The following NALF1 variants were observed in gnomAD, a reference collection of about 807,000 sequenced individuals.
The protein encoded by NALF1 is NALCN channel auxiliary factor 1.
NALF1 carries 3 observed loss-of-function variants against 48.4 expected under a neutral mutation model. The ratio of observed to expected loss-of-function variants is 0.06; its 90% CI spans 0.03 to 0.16. NALF1 has a LOEUF of 0.16. NALF1 is among the 10% of genes least tolerant of loss of function. The probability of loss-of-function intolerance (pLI) is 1.00; values close to 1 mark genes in which losing one functional copy is unlikely to be tolerated. For missense variants in NALF1, 526 were observed against 571.5 expected, an observed-to-expected ratio of 0.92 and a Z score of 0.81; for synonymous variants, 262 against 245.7, an observed-to-expected ratio of 1.07 and a Z score of -0.62.
intron 1 of NALF1, among the ~76,000 whole-genome samples, chr13:107,526,351 T>C (rs1876439969): frequency 6.6e-6 from 1 of 152,184 alleles, no homozygotes; most frequent in Non-Finnish European, 1.5e-5. Context: ...CAGCAATATA[T>C]GTACCTCTTT....
chr13:107,257,320 C>T (rs1168015197), intron 1 of NALF1, among the ~76,000 whole-genome samples: 3 of 152,058 alleles, frequency 2.0e-5, no homozygotes, highest in Admixed American at 1.3e-4. Flanking sequence ...AGGAATAAGA[C>T]CGTTGTGACT....
intron 1 of NALF1, among the ~76,000 whole-genome samples, chr13:107,768,829 A>C (rs537158317): frequency 2.2e-4 from 34 of 152,246 alleles, no homozygotes; most frequent in African/African-American, 6.7e-4. Context: ...CAATGAACTC[A>C]AACAAATTTA....
chr13:107,785,079 T>A (rs964920086), intron 1 of NALF1, among the ~76,000 whole-genome samples: 1 of 152,002 alleles, frequency 6.6e-6, no homozygotes, highest in Non-Finnish European at 1.5e-5. Flanking sequence ...TGTGTGTGTA[T>A]GTATATATAC....
chr13:107,467,812 G>A (rs1026479009), intron 1 of NALF1, among the ~76,000 whole-genome samples: 10 of 152,104 alleles, frequency 6.6e-5, no homozygotes, highest in Non-Finnish European at 1.2e-4. Context: ...AGACCGAGGC[G>A]GGTGGATCAT....
chr13:107,213,071 C>T (rs1056467344), intron 1 of NALF1, among the ~76,000 whole-genome samples: 4 of 152,094 alleles, frequency 2.6e-5, no homozygotes, highest in Admixed American at 2.6e-4. Context: ...TCTCCTCTCT[C>T]GCAGACGGTG....
chr13:107,602,721 C>T (rs865949898), intron 1 of NALF1, among the ~76,000 whole-genome samples: 4 of 152,116 alleles, frequency 2.6e-5, no homozygotes, highest in South Asian at 2.1e-4. Flanking sequence ...ATTATTCCTT[C>T]GCGTCTAACC....
intron 1 of NALF1, among the ~76,000 whole-genome samples, chr13:107,296,821 C>T (rs760230227): frequency 1.3e-5 from 2 of 151,700 alleles, no homozygotes; most frequent in African/African-American, 2.4e-5. Flanking sequence ...GATAAAAACA[C>T]GATGGTATGA....
intron 1 of NALF1, among the ~76,000 whole-genome samples, chr13:107,424,587 T>G (rs1376522067): frequency 1.5e-5 from 2 of 136,274 alleles, no homozygotes; most frequent in Non-Finnish European, 3.1e-5. Context: ...ATATGAAGAT[T>G]TATGAAGCAA....
intron 1 of NALF1, among the ~76,000 whole-genome samples, chr13:107,658,835 C>A (rs914520581): frequency 6.6e-6 from 1 of 151,934 alleles, no homozygotes; most frequent in African/African-American, 2.4e-5. Context: ...CTTAACACCA[C>A]GAAAATGGTA....
intron 1 of NALF1, among the ~76,000 whole-genome samples, chr13:107,268,037 A>G (rs1485755200): frequency 7.5e-6 from 1 of 132,488 alleles, no homozygotes; most frequent in Non-Finnish European, 1.5e-5. Flanking sequence ...ACCAGGCTGG[A>G]GAGTAGTGGC....
intron 1 of NALF1, among the ~76,000 whole-genome samples, chr13:107,429,854 T>A (rs1395564767): frequency 6.6e-6 from 1 of 152,200 alleles, no homozygotes; most frequent in Non-Finnish European, 1.5e-5. Flanking sequence ...TGTAAATACA[T>A]GTTCAATCTC....
chr13:107,683,663 C>G (rs1049518452), intron 1 of NALF1, among the ~76,000 whole-genome samples: 1 of 152,178 alleles, frequency 6.6e-6, no homozygotes, highest in Non-Finnish European at 1.5e-5. Flanking sequence ...AAGTTGAATG[C>G]TGGGGTCCCC....
At chr13:107,642,878 T>C (rs9514716) in intron 1 of NALF1, among the ~76,000 whole-genome samples, 43,519 of 152,154 alleles carry the variant, frequency 0.29, 6,636 homozygotes, top group East Asian at 0.49. Context: ...GGCTATTGTG[T>C]TCTGCTCTTA....
intron 1 of NALF1, among the ~76,000 whole-genome samples, chr13:107,543,631 G>A (rs1003478325): frequency 6.6e-6 from 1 of 152,018 alleles, no homozygotes; most frequent in Non-Finnish European, 1.5e-5. Context: ...AACAGTGTAA[G>A]TTGAACCATA....
At chr13:107,221,747 T>C (rs1392395079) in intron 1 of NALF1, among the ~76,000 whole-genome samples, 1 of 151,988 alleles carries the variant, frequency 6.6e-6, no homozygotes, top group Non-Finnish European at 1.5e-5. Flanking sequence ...CACAGCAAAA[T>C]GTAACAGAGA....
chr13:107,257,522 C>T (rs111451152), intron 1 of NALF1, among the ~76,000 whole-genome samples: 53 of 86,868 alleles, frequency 6.1e-4, no homozygotes, highest in African/African-American at 1.9e-3. Context: ...AATTTGATAT[C>T]ATCTAGGCTC....
chr13:107,468,769 T>C (rs1885049082), intron 1 of NALF1, among the ~76,000 whole-genome samples: 1 of 152,142 alleles, frequency 6.6e-6, no homozygotes, highest in Admixed American at 6.5e-5. Context: ...ATTTTAACAT[T>C]GGGAGTATGA....
chr13:107,213,230 C>CAAAAAAAAAAAAAAAAAA (rs386380636), intron 1 of NALF1, among the ~76,000 whole-genome samples: 15 of 103,376 alleles, frequency 1.5e-4, no homozygotes, highest in East Asian at 6.1e-4. Context: ...TTTTTTAACT[C>CAAAAAAAAAAAAAAAAAA]AAAAAAAAAA....
intron 1 of NALF1, among the ~76,000 whole-genome samples, chr13:107,318,591 C>T (rs191097708): frequency 1.3e-5 from 2 of 152,136 alleles, no homozygotes; most frequent in East Asian, 1.9e-4. Context: ...GAAACTTTCA[C>T]GTATTGTGGT....
Sources: allele counts gnomAD v4.1 joint callset (sites outside exome capture counted in the v4.1 genomes callset), GRCh38; gene constraint gnomAD v4.1.1; transcripts MANE v1.5; gene names NCBI Gene and HGNC (gene_info 2026-07-23, HGNC 2026-07-21).